Variants in CASQ2 observed in about 807,000 individuals in gnomAD.
CASQ2 encodes the protein calsequestrin-2.
Under a neutral mutation model 46.5 loss-of-function variants are expected in CASQ2, and 49 were observed. The observed-to-expected ratio is 1.05, with a 90% CI of 0.84 to 1.34. The LOEUF (loss-of-function observed/expected upper bound fraction) is 1.34, where lower values mean the gene tolerates loss of function less well. Ranked by LOEUF, CASQ2 falls within the 40% of genes most tolerant of loss-of-function variation. The pLI is 0.00. For synonymous variants in CASQ2, 174 were observed against 168.5 expected (o/e 1.03, Z -0.25); for missense variants, 486 against 481.3 (o/e 1.01, Z -0.09).
rs1654169564 is a variant in CASQ2, at chr1:115,700,406, G to A, written c.*835C>T. 1 of 152,500 alleles carries A rather than the reference G, an allele frequency of 6.6e-6. No homozygotes were observed. Among genetic ancestry groups the A allele is most frequent in the Non-Finnish European group, 1.5e-5 (1 of 68,120 alleles). 9.4% of individuals were successfully genotyped at this position (152,500 alleles called of 1,614,324 possible). On this transcript the variant is annotated 3_prime_UTR_variant, in exon 11 of 11. Transcript: ENST00000261448. ...GGTATTCAGATCCCAGCTTAGGCTA[G>A]GAAGCCAGCTGACCCAATCAGAGAC...
chr1:115,727,266 G>A (rs1327963057), intron 5 of CASQ2, 144 bp from the exon 6 acceptor site: 2 of 677,154 alleles, frequency 3.0e-6, no homozygotes, highest in Non-Finnish European at 2.6e-6. Flanking sequence ...TGAAGTGACA[G>A]GAACTTATCA....
At position 115,768,572 on chromosome 1, in the gene CASQ2, T is replaced by C. The variant is rs1397343707; in HGVS notation, c.-31A>G. The C allele has an allele frequency of 7.0e-7, 1 of 1,423,004 alleles. No homozygotes were observed. Among genetic ancestry groups the C allele is most frequent in the Admixed American group, 1.7e-5 (1 of 58,228 alleles). 88.1% of individuals were successfully genotyped at this position (1,423,004 alleles called of 1,614,324 possible). ...AAAACTTTTGTTTCTCGTTCCCAAA[T>C]ATGCTGTGTGCAGAATAGAGGACAG... On this transcript the variant is annotated 5_prime_UTR_variant, in exon 1 of 11. The change creates a new upstream start codon in the 5' untranslated region. Coordinates refer to ENST00000261448, the MANE Select transcript of CASQ2 (RefSeq NM_001232.4).
intron 5 of CASQ2, among the ~76,000 whole-genome samples, chr1:115,729,950 A>AT (rs1647730770): frequency 6.6e-6 from 1 of 152,142 alleles, no homozygotes; most frequent in Admixed American, 6.5e-5. Context: ...GGGACATGGG[A>AT]TTTTAAGAAC....
At position 115,768,550 on chromosome 1, in the gene CASQ2, AC is replaced by A; in HGVS notation, c.-10del. The A allele has an allele frequency of 1.9e-6, 3 of 1,585,526 alleles. No individual in the cohort carries two copies. The highest frequency in any genetic ancestry group is 2.6e-6 in the Non-Finnish European group (3 of 1,154,348). The stretch of plus-strand genomic sequence containing the variant: ...AAGTGAGTTCTCTTCATTTGGGAAA[AC>A]TTTTGTTTCTCGTTCCCAAATATGC... On this transcript the variant is annotated 5_prime_UTR_variant, in exon 1 of 11. Transcript: ENST00000261448.
Position 115,700,860 on chromosome 1 carries a change from G to A in CASQ2, c.*381C>T. On this transcript the variant is annotated 3_prime_UTR_variant, in exon 11 of 11. Transcript: ENST00000261448. Reference sequence around the variant, plus strand: ...TTAAAAGGTCACTCTATGCCTGTGAGTTAGAAAGCTGTCAATTTTGTTACT... The same window carrying A: ...TTAAAAGGTCACTCTATGCCTGTGAATTAGAAAGCTGTCAATTTTGTTACT... 2 of 587,714 alleles carry A rather than the reference G, an allele frequency of 3.4e-6. No homozygotes were observed. Among genetic ancestry groups the A allele is most frequent in the Non-Finnish European group, 6.0e-6 (2 of 332,542 alleles). 36.4% of individuals were successfully genotyped at this position (587,714 alleles called of 1,614,324 possible). A position where few individuals can be genotyped will look rare whatever the true frequency, so the allele number is the denominator to read the frequency against.
At chr1:115,761,439 A>AAGAAGAAGAAGAGGAAGAAGAAGAAG (rs796782557) in intron 1 of CASQ2, among the ~76,000 whole-genome samples, 1 of 5,536 alleles carries the variant, frequency 1.8e-4, no homozygotes, top group African/African-American at 1.3e-3. Context: ...GAAGAAGAAG[A>AAGAAGAAGAAGAGGAAGAAGAAGAAG]AAGAAGAAGA....
At chr1:115,727,292 G>C (rs1269794539) in intron 5 of CASQ2, among the ~76,000 whole-genome samples, 170 bp from the exon 6 acceptor site, 3 of 152,168 alleles carry the variant, frequency 2.0e-5, no homozygotes, top group Non-Finnish European at 4.4e-5. Flanking sequence ...GGCCTGGCTA[G>C]ACTAATCTTC....
chr1:115,705,319 T>C, intron 8 of CASQ2, 27 bp from the exon 9 acceptor site: 4 of 1,345,842 alleles, frequency 3.0e-6, no homozygotes, highest in Non-Finnish European at 4.3e-6. Context: ...GAGAGTTGAG[T>C]AACCCCTGCA....
intron 4 of CASQ2, among the ~76,000 whole-genome samples, chr1:115,737,651 G>A (rs533342451): frequency 6.6e-6 from 1 of 152,328 alleles, no homozygotes; most frequent in South Asian, 2.1e-4. Context: ...CTGTAGTGAT[G>A]TTATCATAGG....
At position 115,705,278 on chromosome 1, in the gene CASQ2, G is replaced by A. The variant is rs1414115979; in HGVS notation, c.853C>T (p.Leu285=). The A allele has an allele frequency of 1.2e-6, 2 of 1,612,672 alleles. No homozygotes were observed. Among genetic ancestry groups the A allele is most frequent in the South Asian group, 2.2e-5 (2 of 91,042 alleles). Residue 285 remains leucine (L), a synonymous_variant, in exon 9 of 11, where the codon CTG becomes TTG. Coordinates refer to ENST00000261448, the MANE Select transcript of CASQ2 (RefSeq NM_001232.4). ...EKSDPDGYEF[L]EILKQVARDN... is the part of the protein sequence containing the mutation. ...CGGGCAACCTGTTTCAGGATCTCCA[G>A]GAATTCGTAGCCATCTGAAACAGGA...
At chr1:115,708,545 G>A (rs1203974148) in intron 8 of CASQ2, among the ~76,000 whole-genome samples, 2 of 152,166 alleles carry the variant, frequency 1.3e-5, no homozygotes, top group African/African-American at 2.4e-5. Context: ...GTTATTTAAT[G>A]TTTCTCTCCT....
Position 115,740,725 on chromosome 1 carries a change from T to C in CASQ2, c.420+3A>G. The stretch of plus-strand genomic sequence containing the variant: ...TGCAGGGTCACTGTGTATAAATACT[T>C]ACATCCAAGAGGAACTCCACCAAGA... On this transcript the variant is annotated splice_donor_region_variant and intron_variant, in intron 3 of 10. Transcript: ENST00000261448. 6.3e-7 allele frequency: 1 copy of C among 1,588,434 alleles called. No homozygotes were observed.
In CASQ2 at chr1:115,744,927, G is replaced by T; in HGVS notation, c.235-15C>A. 1 of 1,577,560 alleles carries T rather than the reference G, an allele frequency of 6.3e-7. No individual in the cohort carries two copies. Among genetic ancestry groups the T allele is most frequent in the Non-Finnish European group, 8.7e-7 (1 of 1,147,234 alleles). On this transcript the variant is annotated splice_polypyrimidine_tract_variant and intron_variant, in intron 1 of 10. Coordinates refer to ENST00000261448, the MANE Select transcript of CASQ2 (RefSeq NM_001232.4). ...TGGGCCACAAGCTGAAGAAACAAATGGAAAGATGAGTGTGCTAAGGGCAGA... is the reference window on the plus strand; with the variant it reads ...TGGGCCACAAGCTGAAGAAACAAATTGAAAGATGAGTGTGCTAAGGGCAGA...
At chr1:115,736,874 C>T (rs1036213307) in intron 4 of CASQ2, among the ~76,000 whole-genome samples, 7 of 152,066 alleles carry the variant, frequency 4.6e-5, no homozygotes, top group African/African-American at 1.4e-4. Context: ...GAAATTAAGG[C>T]ATCCATATAA....
chr1:115,759,724 A>T (rs899318624), intron 1 of CASQ2, among the ~76,000 whole-genome samples: 3 of 152,222 alleles, frequency 2.0e-5, no homozygotes, highest in Admixed American at 6.5e-5. Flanking sequence ...AATACTCACC[A>T]GTTTTCTCTG....
At chr1:115,749,496 C>T (rs1648501892) in intron 1 of CASQ2, among the ~76,000 whole-genome samples, 1 of 152,182 alleles carries the variant, frequency 6.6e-6, no homozygotes, top group South Asian at 2.1e-4. Flanking sequence ...ACACATGGGC[C>T]AGGATCCCAT....
chr1:115,722,282 C>T (rs890638455), intron 7 of CASQ2, among the ~76,000 whole-genome samples: 2 of 152,086 alleles, frequency 1.3e-5, no homozygotes, highest in Admixed American at 1.3e-4. Context: ...ATTCAATATG[C>T]AATAATGTGG....
At chr1:115,742,532 A>G (rs1010526257) in intron 2 of CASQ2, among the ~76,000 whole-genome samples, 2 of 151,994 alleles carry the variant, frequency 1.3e-5, no homozygotes, top group African/African-American at 2.4e-5. Flanking sequence ...ACCTACCCCA[A>G]CTCCTCCAAA....
In CASQ2 at chr1:115,700,870, T is replaced by C; in HGVS notation, c.*371A>G. On this transcript the variant is annotated 3_prime_UTR_variant, in exon 11 of 11. Coordinates refer to ENST00000261448, the MANE Select transcript of CASQ2 (RefSeq NM_001232.4). ...ACTCTATGCCTGTGAGTTAGAAAGC[T>C]GTCAATTTTGTTACTGTCATAATCA... The C allele has an allele frequency of 1.7e-6, 1 of 587,942 alleles. No individual in the cohort carries two copies. The highest frequency in any genetic ancestry group is 3.0e-6 in the Non-Finnish European group (1 of 332,550). The allele number at this position is 587,942 out of a possible 1,614,324, so 36.4% of individuals were successfully genotyped here.
Sources: allele counts gnomAD v4.1 joint callset (sites outside exome capture counted in the v4.1 genomes callset), GRCh38; gene constraint gnomAD v4.1.1; transcripts MANE v1.5; gene names NCBI Gene and HGNC (gene_info 2026-07-23, HGNC 2026-07-21).